Variants in MORF4L2 observed in about 807,000 individuals in gnomAD.
MORF4L2 encodes mortality factor 4 like 2, also known as mortality factor 4-like protein 2.
MORF4L2 carries 1 observed loss-of-function variant against 12.0 expected under a neutral mutation model. That is an observed-to-expected ratio of 0.08 (90% confidence interval 0.03 to 0.40). The LOEUF (loss-of-function observed/expected upper bound fraction) is 0.40, where lower values mean the gene tolerates loss of function less well. MORF4L2 is among the 10% of genes least tolerant of loss of function. MORF4L2 has a pLI of 0.98. For missense variants in MORF4L2, 123 were observed against 214.0 expected (o/e 0.57, Z 2.65); for synonymous variants, 69 against 81.6 (o/e 0.85, Z 0.83).
intron 3 of MORF4L2, 79 bp from the exon 4 acceptor site, chrX:103,677,130 T>C (rs2073865373): frequency 1.4e-6 from 1 of 706,383 alleles, no homozygotes; most frequent in Admixed American, 3.8e-5. Context: ...CATCAGAGAA[T>C]AACACATTCT....
At chrX:103,686,132 C>A (rs942848018) in intron 1 of MORF4L2, among the ~76,000 whole-genome samples, 4 of 104,014 alleles carry the variant, frequency 3.8e-5, no homozygotes, top group South Asian at 4.6e-4. Flanking sequence ...ACTCCCCCCC[C>A]CCCCACCTTT....
intron 2 of MORF4L2, among the ~76,000 whole-genome samples, chrX:103,679,907 C>T (rs990318240): frequency 5.0e-5 from 5 of 100,075 alleles, no homozygotes; most frequent in Admixed American, 1.1e-4. Flanking sequence ...AAAACAAGGC[C>T]GGGCACGGTG....
chrX:103,679,102 T>C (rs1440241462), intron 2 of MORF4L2, among the ~76,000 whole-genome samples: 1 of 111,415 alleles, frequency 9.0e-6, no homozygotes, highest in Non-Finnish European at 1.9e-5. Context: ...AACATTCAAA[T>C]GAATTAAGCA....
chrX:103,679,034 C>G (rs1414045039), intron 2 of MORF4L2, among the ~76,000 whole-genome samples: 1 of 111,953 alleles, frequency 8.9e-6, no homozygotes, highest in Non-Finnish European at 1.9e-5. Flanking sequence ...CTGGAAAACA[C>G]CTACCTATTC....
chrX:103,678,134 G>A (rs73522482), intron 3 of MORF4L2, among the ~76,000 whole-genome samples: 4,092 of 110,005 alleles, frequency 0.037, 200 homozygotes, highest in African/African-American at 0.13. Flanking sequence ...AAGCTCGGGT[G>A]AGAAGTAAAA....
chrX:103,677,296 T>C (rs1417510691), intron 3 of MORF4L2, among the ~76,000 whole-genome samples: 1 of 111,775 alleles, frequency 8.9e-6, no homozygotes, highest in Non-Finnish European at 1.9e-5. Context: ...AATTACTCTG[T>C]TGATGCCACT....
chrX:103,679,259 A>G (rs2073920209), intron 2 of MORF4L2, among the ~76,000 whole-genome samples: 1 of 107,614 alleles, frequency 9.3e-6, no homozygotes, highest in East Asian at 2.9e-4. Flanking sequence ...TGATCCCAGC[A>G]CTTCGGGAGG....
chrX:103,679,197 G>A (rs2073918025), intron 2 of MORF4L2, among the ~76,000 whole-genome samples: 1 of 110,000 alleles, frequency 9.1e-6, no homozygotes, highest in South Asian at 3.9e-4. Context: ...GATCCCAAAT[G>A]CAATAGGATC....
intron 3 of MORF4L2, among the ~76,000 whole-genome samples, 154 bp from the exon 4 acceptor site, chrX:103,677,205 T>C (rs1240775809): frequency 9.0e-6 from 1 of 110,990 alleles, no homozygotes; most frequent in Non-Finnish European, 1.9e-5. Flanking sequence ...TTTTTATTTT[T>C]TTACCTCCTT....
In MORF4L2 at chrX:103,678,653, TAAGAAA is replaced by T. The variant is rs906935997; in HGVS notation, c.-177-8_-177-3del. 3.6e-5 allele frequency: 4 copies of T among 112,196 alleles called. No individual in the cohort carries two copies. Among genetic ancestry groups the T allele is most frequent in the East Asian group, 2.8e-4 (1 of 3,599 alleles). 9.2% of individuals were successfully genotyped at this position (112,196 alleles called of 1,213,427 possible). A position where few individuals can be genotyped will look rare whatever the true frequency, so the allele number is the denominator to read the frequency against. On this transcript the variant is annotated splice_region_variant and splice_polypyrimidine_tract_variant and intron_variant, in intron 2 of 3. Coordinates refer to ENST00000441076, the MANE Select transcript of MORF4L2 (RefSeq NM_012286.3). ...GAAGATGAACTTTTGTGAAATCATC[TAAGAAA>T]AAGAAAAAAAATGAGTAATTTATAA...
chrX:103,678,264 C>T (rs1194577450), intron 3 of MORF4L2, among the ~76,000 whole-genome samples: 1 of 110,421 alleles, frequency 9.1e-6, no homozygotes, highest in East Asian at 2.8e-4. Context: ...AACCTAAGGA[C>T]GAAAGGCATT....
At chrX:103,682,595 A>G (rs1360787120) in intron 2 of MORF4L2, among the ~76,000 whole-genome samples, 1 of 112,047 alleles carries the variant, frequency 8.9e-6, no homozygotes, top group Non-Finnish European at 1.9e-5. Flanking sequence ...AATTTGTGTG[A>G]TATCATCCTT....
At chrX:103,685,127 G>A (rs1300252771) in intron 2 of MORF4L2, 44 bp downstream of exon 2, 1 of 111,909 alleles carries the variant, frequency 8.9e-6, no homozygotes, top group African/African-American at 3.3e-5. Context: ...AGGTTATGTG[G>A]TATTATCCTG....
At chrX:103,680,869 A>G (rs764307723) in intron 2 of MORF4L2, among the ~76,000 whole-genome samples, 1 of 112,304 alleles carries the variant, frequency 8.9e-6, no homozygotes, top group Non-Finnish European at 1.9e-5. Flanking sequence ...ATTTTGGAGC[A>G]TTTCAGATTA....
At chrX:103,682,784 G>C (rs1603200330) in intron 2 of MORF4L2, among the ~76,000 whole-genome samples, 1 of 111,898 alleles carries the variant, frequency 8.9e-6, no homozygotes, top group East Asian at 2.8e-4. Flanking sequence ...ATGTATATGT[G>C]CATACATCTC....
chrX:103,679,908 G>A (rs1360997158), intron 2 of MORF4L2, among the ~76,000 whole-genome samples: 3 of 102,090 alleles, frequency 2.9e-5, no homozygotes, highest in Non-Finnish European at 6.0e-5. Flanking sequence ...AAACAAGGCC[G>A]GGCACGGTGG....
intron 2 of MORF4L2, among the ~76,000 whole-genome samples, chrX:103,679,888 A>G (rs967957434): frequency 1.3e-4 from 14 of 107,212 alleles, no homozygotes; most frequent in Non-Finnish European, 1.7e-4. Flanking sequence ...AAAAAAAAGA[A>G]AAGAAAAGAA....
chrX:103,678,159 T>C (rs2073892928), intron 3 of MORF4L2, among the ~76,000 whole-genome samples: 1 of 107,980 alleles, frequency 9.3e-6, no homozygotes, highest in African/African-American at 3.4e-5. Context: ...GAAATGGAGA[T>C]CTGAGAGTAA....
intron 2 of MORF4L2, among the ~76,000 whole-genome samples, chrX:103,682,550 G>C (rs1052753979): frequency 9.0e-6 from 1 of 111,003 alleles, no homozygotes; most frequent in Non-Finnish European, 1.9e-5. Context: ...ACTTTTCTTG[G>C]GCCAATCTAA....
Sources: allele counts gnomAD v4.1 joint callset (sites outside exome capture counted in the v4.1 genomes callset), GRCh38; gene constraint gnomAD v4.1.1; transcripts MANE v1.5; gene names NCBI Gene and HGNC (gene_info 2026-07-23, HGNC 2026-07-21).